SLC4A10: variants seen among roughly 807,000 people sequenced by gnomAD.
SLC4A10 encodes the protein solute carrier family 4 member 10.
In SLC4A10, 42 loss-of-function variants were observed where a neutral mutation model predicts 137.7. The observed-to-expected ratio is 0.30, with a 90% CI of 0.24 to 0.39. The LOEUF is 0.39. SLC4A10 is among the 10% of genes least tolerant of loss of function. The pLI, the probability that SLC4A10 is intolerant of heterozygous loss-of-function variation, is 1.00. For synonymous variants in SLC4A10, 474 were observed against 464.1 expected, an observed-to-expected ratio of 1.02 and a Z score of -0.27; for missense variants, 925 against 1,355.0, an observed-to-expected ratio of 0.68 and a Z score of 4.98.
At chr2:161,945,454 G>A (rs1380799400) in intron 16 of SLC4A10, among the ~76,000 whole-genome samples, 2 of 151,524 alleles carry the variant, frequency 1.3e-5, no homozygotes, top group Non-Finnish European at 3.0e-5. Context: ...TGTTTGAAGA[G>A]TAATTAGTAG....
intron 17 of SLC4A10, among the ~76,000 whole-genome samples, 173 bp from the exon 18 acceptor site, chr2:161,948,975 A>AAAT (rs1694320841): frequency 6.6e-6 from 1 of 152,088 alleles, no homozygotes; most frequent in Admixed American, 6.6e-5. Flanking sequence ...AGTGATACAT[A>AAAT]AATATATATT....
chr2:161,856,024 TC>T (rs1394201151), intron 5 of SLC4A10, among the ~76,000 whole-genome samples: 6 of 152,082 alleles, frequency 3.9e-5, no homozygotes, highest in Non-Finnish European at 7.4e-5. Flanking sequence ...AAATAACATA[TC>T]TACTTTAATC....
chr2:161,752,182 C>T (rs1307912983), intron 1 of SLC4A10, among the ~76,000 whole-genome samples: 1 of 151,952 alleles, frequency 6.6e-6, no homozygotes, highest in East Asian at 1.9e-4. Flanking sequence ...GCTGACCTAT[C>T]TCACTTGAGT....
At chr2:161,638,963 A>C (rs989149911) in intron 1 of SLC4A10, among the ~76,000 whole-genome samples, 2 of 152,156 alleles carry the variant, frequency 1.3e-5, no homozygotes, top group South Asian at 4.1e-4. Flanking sequence ...AGACATTTCA[A>C]CTCATGGTCA....
intron 11 of SLC4A10, among the ~76,000 whole-genome samples, chr2:161,900,356 A>G (rs1682790750): frequency 6.6e-6 from 1 of 152,144 alleles, no homozygotes; most frequent in Non-Finnish European, 1.5e-5. Flanking sequence ...AATTACACAG[A>G]GAAATATACT....
At chr2:161,668,282 G>A (rs1047878731) in intron 1 of SLC4A10, among the ~76,000 whole-genome samples, 1 of 151,802 alleles carries the variant, frequency 6.6e-6, no homozygotes, top group African/African-American at 2.4e-5. Context: ...TAAGGAATGG[G>A]TGAAGGCATC....
At chr2:161,799,235 T>C (rs777905579) in intron 2 of SLC4A10, among the ~76,000 whole-genome samples, 1 of 151,804 alleles carries the variant, frequency 6.6e-6, no homozygotes, top group Non-Finnish European at 1.5e-5. Context: ...ATTTATAAAA[T>C]AAAAATTATT....
At chr2:161,806,407 C>G (rs553956360) in intron 3 of SLC4A10, among the ~76,000 whole-genome samples, 1 of 152,102 alleles carries the variant, frequency 6.6e-6, no homozygotes, top group African/African-American at 2.4e-5. Context: ...ATGGAATTTT[C>G]TTTTCTATTG....
chr2:161,836,557 A>C (rs868287248), intron 3 of SLC4A10, among the ~76,000 whole-genome samples: 2 of 98,990 alleles, frequency 2.0e-5, no homozygotes, highest in African/African-American at 7.1e-5. Context: ...AGAAAGAAAG[A>C]AAGAAAGAAA....
At chr2:161,730,291 G>A (rs867558273) in intron 1 of SLC4A10, among the ~76,000 whole-genome samples, 6 of 152,162 alleles carry the variant, frequency 3.9e-5, no homozygotes, top group Middle Eastern at 3.4e-3. Flanking sequence ...ACAGAGGAAG[G>A]ACTAGAATTA....
chr2:161,724,669 G>A (rs530313007), intron 1 of SLC4A10, among the ~76,000 whole-genome samples: 244 of 152,286 alleles, frequency 1.6e-3, no homozygotes, highest in African/African-American at 5.6e-3. Context: ...TGTTTAGATA[G>A]AAAGAGGCAG....
chr2:161,739,891 G>GA (rs2047711568), intron 1 of SLC4A10, among the ~76,000 whole-genome samples: 1 of 152,010 alleles, frequency 6.6e-6, no homozygotes, highest in Non-Finnish European at 1.5e-5. Context: ...ATCCTGGAAG[G>GA]GGCTCTTTCA....
At chr2:161,628,362 C>G (rs1017499679) in intron 1 of SLC4A10, among the ~76,000 whole-genome samples, 5 of 151,966 alleles carry the variant, frequency 3.3e-5, no homozygotes, top group Middle Eastern at 3.2e-3. Context: ...AGGTATAAAA[C>G]TACAGTAAAG....
intron 1 of SLC4A10, among the ~76,000 whole-genome samples, chr2:161,633,882 T>C (rs1318124684): frequency 6.6e-6 from 1 of 151,752 alleles, no homozygotes; most frequent in Non-Finnish European, 1.5e-5. Context: ...TATAAACTAA[T>C]TTTATCATTT....
intron 3 of SLC4A10, among the ~76,000 whole-genome samples, chr2:161,828,227 G>T (rs1575158248): frequency 6.6e-6 from 1 of 152,164 alleles, no homozygotes; most frequent in Non-Finnish European, 1.5e-5. Context: ...GCAAACTAGT[G>T]TGATAAACCT....
chr2:161,921,089 G>A (rs1688043719), intron 15 of SLC4A10, among the ~76,000 whole-genome samples: 1 of 152,192 alleles, frequency 6.6e-6, no homozygotes, highest in Admixed American at 6.5e-5. Flanking sequence ...CTGTATAATG[G>A]CCTAAGAGAA....
chr2:161,840,833 T>C (rs2059136299), intron 4 of SLC4A10, among the ~76,000 whole-genome samples: 1 of 152,212 alleles, frequency 6.6e-6, no homozygotes, highest in African/African-American at 2.4e-5. Flanking sequence ...TCAGGCATAG[T>C]CAGACCATGA....
At chr2:161,793,499 C>A (rs958765117) in intron 2 of SLC4A10, among the ~76,000 whole-genome samples, 1 of 150,050 alleles carries the variant, frequency 6.7e-6, no homozygotes, top group Non-Finnish European at 1.5e-5. Context: ...ATGTGTTTGC[C>A]TCCTCGTTCT....
intron 21 of SLC4A10, among the ~76,000 whole-genome samples, chr2:161,961,289 A>G (rs1349405646): frequency 1.3e-5 from 2 of 152,174 alleles, no homozygotes; most frequent in Non-Finnish European, 2.9e-5. Context: ...GTCTGGGGGA[A>G]ACTTAAGTAT....
Sources: gnomAD v4.1 joint callset for allele counts (sites outside exome capture counted in the v4.1 genomes callset) on GRCh38, gnomAD v4.1.1 for gene constraint, MANE v1.5 for transcripts, NCBI Gene and HGNC (gene_info 2026-07-23, HGNC 2026-07-21) for gene names.